EYA1: variants seen among roughly 807,000 people sequenced by gnomAD.
EYA1 encodes EYA transcriptional coactivator and phosphatase 1.
Under a neutral mutation model 82.0 loss-of-function variants are expected in EYA1, and 16 were observed. That is an observed-to-expected ratio of 0.20 (90% CI 0.13 to 0.30). The LOEUF (loss-of-function observed/expected upper bound fraction) is 0.30. EYA1 is among the 10% of genes least tolerant of loss of function. EYA1 has a pLI of 1.00. For synonymous variants in EYA1, 261 were observed against 264.4 expected, an observed-to-expected ratio of 0.99 and a Z score of 0.12; for missense variants, 633 against 730.7, an observed-to-expected ratio of 0.87 and a Z score of 1.54.
At chr8:71,412,513 T>G (rs2129141930) in intron 2 of EYA1, among the ~76,000 whole-genome samples, 1 of 152,312 alleles carries the variant, frequency 6.6e-6, no homozygotes, top group African/African-American at 2.4e-5. Context: ...CTTTTAGTGA[T>G]ACATACTGAG....
At chr8:71,450,556 T>C (rs949413029) in intron 2 of EYA1, among the ~76,000 whole-genome samples, 5 of 152,094 alleles carry the variant, frequency 3.3e-5, no homozygotes, top group Admixed American at 1.3e-4. Flanking sequence ...TCATAACAGA[T>C]ACAATAATTA....
chr8:71,392,811 A>G (rs565523092), intron 2 of EYA1, among the ~76,000 whole-genome samples: 2 of 152,290 alleles, frequency 1.3e-5, no homozygotes, highest in South Asian at 2.1e-4. Flanking sequence ...TTTTTAAATC[A>G]TAAGATAATA....
At chr8:71,428,214 A>T (rs1333174281) in intron 2 of EYA1, among the ~76,000 whole-genome samples, 1 of 152,172 alleles carries the variant, frequency 6.6e-6, no homozygotes, top group Non-Finnish European at 1.5e-5. Context: ...GGGAGAAGTT[A>T]TGAAGAAGTA....
chr8:71,454,947 C>CA (rs1406737758), intron 2 of EYA1, among the ~76,000 whole-genome samples: 3 of 151,800 alleles, frequency 2.0e-5, no homozygotes, highest in East Asian at 1.9e-4. Flanking sequence ...GATAGAGACA[C>CA]AAAAAATCAG....
At chr8:71,491,831 A>G (rs145219336) in intron 2 of EYA1, among the ~76,000 whole-genome samples, 1 of 152,338 alleles carries the variant, frequency 6.6e-6, no homozygotes, top group Non-Finnish European at 1.5e-5. Context: ...TGTGAGACAC[A>G]TGTTGTTTTC....
At chr8:71,322,506 C>A in intron 4 of EYA1, 1 of 522,004 alleles carries the variant, frequency 1.9e-6, no homozygotes, top group South Asian at 2.1e-5. Flanking sequence ...TCTTAGAAAA[C>A]GTCATCACAA....
At chr8:71,273,603 T>A (rs1381033977) in intron 9 of EYA1, among the ~76,000 whole-genome samples, 1 of 152,184 alleles carries the variant, frequency 6.6e-6, no homozygotes, top group Non-Finnish European at 1.5e-5. Flanking sequence ...CCTTCCTTTT[T>A]AAAAAATATT....
intron 2 of EYA1, among the ~76,000 whole-genome samples, chr8:71,431,026 A>AT (rs1335562083): frequency 6.6e-6 from 1 of 152,086 alleles, no homozygotes; most frequent in Non-Finnish European, 1.5e-5. Context: ...TATAAGAGGG[A>AT]TTTTTTAGTC....
rs958679623 is a variant in EYA1, at chr8:71,260,004, A to G, written c.1050+9736T>C. On this transcript the variant is annotated intron_variant, in intron 11 of 17. Coordinates refer to ENST00000340726, the MANE Select transcript of EYA1 (RefSeq NM_000503.6). ...CTTTAGTTTTATTATAAGAACCACT[A>G]AAAATGGCATCAAATATTAATGAGG... Among the ~76,000 whole-genome samples, 12 of 152,244 alleles carry G rather than the reference A, an allele frequency of 7.9e-5. 1 individual carries two copies.
chr8:71,266,662 TA>T (rs1815856587), intron 11 of EYA1, among the ~76,000 whole-genome samples: 1 of 151,968 alleles, frequency 6.6e-6, no homozygotes, highest in Non-Finnish European at 1.5e-5. Context: ...AAGGAGCCTC[TA>T]ACCCTAATCT....
At chr8:71,351,021 A>T (rs1336841478) in intron 3 of EYA1, among the ~76,000 whole-genome samples, 1 of 152,232 alleles carries the variant, frequency 6.6e-6, no homozygotes, top group Non-Finnish European at 1.5e-5. Flanking sequence ...AGATTCCCAA[A>T]CATTACAAAT....
At chr8:71,292,666 T>A (rs1037943030) in intron 9 of EYA1, among the ~76,000 whole-genome samples, 9 of 151,962 alleles carry the variant, frequency 5.9e-5, no homozygotes, top group Non-Finnish European at 8.8e-5. Context: ...CAATAAAATG[T>A]TTATAAATAT....
At chr8:71,331,055 C>T (rs2129043687) in intron 4 of EYA1, among the ~76,000 whole-genome samples, 1 of 151,824 alleles carries the variant, frequency 6.6e-6, no homozygotes, top group East Asian at 1.9e-4. Flanking sequence ...ATGGTGAAAC[C>T]CCATCTCTAC....
intron 2 of EYA1, among the ~76,000 whole-genome samples, chr8:71,394,432 A>G (rs1357693157): frequency 6.6e-6 from 1 of 152,146 alleles, no homozygotes; most frequent in Non-Finnish European, 1.5e-5. Flanking sequence ...TAGGTCTAAC[A>G]TTTAAGTCTT....
At chr8:71,349,590 A>C (rs1826104460) in intron 3 of EYA1, among the ~76,000 whole-genome samples, 1 of 152,172 alleles carries the variant, frequency 6.6e-6, no homozygotes. Context: ...TGTAGAAGTG[A>C]CTTATTTACA....
At chr8:71,521,238 T>C (rs1258829779) in intron 2 of EYA1, among the ~76,000 whole-genome samples, 1 of 152,108 alleles carries the variant, frequency 6.6e-6, no homozygotes, top group Non-Finnish European at 1.5e-5. Flanking sequence ...AGAACAAAAC[T>C]ACAAAAATGG....
At chr8:71,246,523 A>G (rs1813116374) in intron 11 of EYA1, among the ~76,000 whole-genome samples, 1 of 152,120 alleles carries the variant, frequency 6.6e-6, no homozygotes, top group South Asian at 2.1e-4. Context: ...CCCGTGTGTT[A>G]CCCCTACTCT....
At chr8:71,299,554 T>G in intron 8 of EYA1, 84 bp downstream of exon 8, 2 of 879,762 alleles carry the variant, frequency 2.3e-6, no homozygotes, top group South Asian at 1.3e-5. Flanking sequence ...AAGCTCTCAC[T>G]TATAAACAGA....
intron 2 of EYA1, among the ~76,000 whole-genome samples, chr8:71,374,875 T>C (rs182168402): frequency 7.8e-4 from 119 of 152,290 alleles, no homozygotes; most frequent in African/African-American, 2.6e-3. Context: ...TTATACTAAG[T>C]GAAATAAGCC....
Sources: allele counts gnomAD v4.1 joint callset (sites outside exome capture counted in the v4.1 genomes callset), GRCh38; gene constraint gnomAD v4.1.1; transcripts MANE v1.5; gene names NCBI Gene and HGNC (gene_info 2026-07-23, HGNC 2026-07-21).